VPS13B: variants seen among roughly 807,000 people sequenced by gnomAD.
The protein encoded by VPS13B is vacuolar protein sorting 13 homolog B, also known as intermembrane lipid transfer protein VPS13B.
A neutral mutation model predicts 426.4 loss-of-function variants in VPS13B; 285 were observed. The observed-to-expected ratio is 0.67, with a 90% confidence interval of 0.61 to 0.74. The LOEUF (loss-of-function observed/expected upper bound fraction) is 0.74, where lower values mean the gene tolerates loss of function less well. Among genes scored for constraint, VPS13B ranks in the 30% least tolerant of loss-of-function variants. The pLI is 0.00. For synonymous variants in VPS13B, 1,676 were observed against 1,676.4 expected (o/e 1.00, Z 0.01); for missense variants, 4,537 against 4,782.6 (o/e 0.95, Z 1.51).
rs571525217 is a variant in VPS13B, at chr8:99,103,258, C to T, written c.580+138C>T. Reference sequence around the variant, plus strand: ...GCCTCCAGTGTGGGAAAAAAATGCACATATACAAAATGTTGCATATAATTA... The same window carrying T: ...GCCTCCAGTGTGGGAAAAAAATGCATATATACAAAATGTTGCATATAATTA... On this transcript the variant is annotated intron_variant, in intron 5 of 61. Coordinates refer to ENST00000357162, the MANE Select transcript of VPS13B (RefSeq NM_152564.5). 1.9e-5 allele frequency: 18 copies of T among 947,350 alleles called. No homozygotes were observed. In the South Asian group the frequency reaches 2.5e-4, roughly 13 times the overall value. The allele number at this position is 947,350 out of a possible 1,614,324, so 58.7% of individuals were successfully genotyped here. A position where few individuals can be genotyped will look rare whatever the true frequency, so the allele number is the denominator to read the frequency against.
rs1282225081 is a variant in VPS13B, at chr8:99,121,244, A to G, written c.1005A>G (p.Ser335=). 1 of 1,614,134 alleles carries G rather than the reference A, an allele frequency of 6.2e-7. No individual in the cohort carries two copies. Among genetic ancestry groups the G allele is most frequent in the Admixed American group, 1.7e-5 (1 of 60,012 alleles). The change falls in exon 8 of 62, where the codon TCA becomes TCG. Residue 335 remains serine (S), a synonymous_variant. Coordinates refer to ENST00000357162, the MANE Select transcript of VPS13B (RefSeq NM_152564.5). The part of the protein sequence containing the change: ...PAQHKGQELY[S]QQDEEQPQGW... ...AGCATAAAGGTCAAGAGTTATATTC[A>G]CAGCAAGATGAGGAGCAGCCACAGG... is the stretch of plus-strand genomic sequence containing the variant.
In VPS13B at chr8:99,819,471, T is replaced by C; in HGVS notation, c.8681T>C (p.Ile2894Thr). The C allele has an allele frequency of 6.2e-7, 1 of 1,613,852 alleles. No individual in the cohort carries two copies. Among genetic ancestry groups the C allele is most frequent in the Non-Finnish European group, 8.5e-7 (1 of 1,179,850 alleles). Residue 2894 changes from isoleucine (I) to threonine (T), a missense_variant, in exon 48 of 62, where the codon ATA becomes ACA. Physicochemically the swap from Ile to Thr is moderately conservative, Grantham distance 89 (BLOSUM62 -1). Coordinates refer to ENST00000357162, the MANE Select transcript of VPS13B (RefSeq NM_152564.5). ...VPISTSLIKQIATKVHPGGTV... is the reference protein window; with the variant it reads ...VPISTSLIKQTATKVHPGGTV... ...ATCTCAACATCCCTCATTAAGCAAA[T>C]AGCCACTAAGGTACACCCTGGAGGC...
chr8:99,462,945 G>A (rs1353331641), intron 23 of VPS13B, among the ~76,000 whole-genome samples: 1 of 152,214 alleles, frequency 6.6e-6, no homozygotes, highest in Non-Finnish European at 1.5e-5. Context: ...AGAGCTCTTA[G>A]AGATGGATGT....
Position 99,631,774 on chromosome 8 carries a change from A to G in VPS13B, c.5221-10037A>G, listed in dbSNP as rs190984799. ...ATTGGCTGGCTTCCCCCTAGAACGT[A>G]AACTTCATGAAGGTAAAAGCTTGGT... On this transcript the variant is annotated intron_variant, in intron 33 of 61. Transcript: ENST00000357162. Among the ~76,000 whole-genome samples, 22 of 151,958 alleles carry G rather than the reference A, an allele frequency of 1.4e-4. No homozygotes were observed. In the East Asian group the frequency reaches 3.9e-3, roughly 27 times the overall value.
At chr8:99,327,620 T>C (rs1810344348) in intron 19 of VPS13B, among the ~76,000 whole-genome samples, 1 of 152,144 alleles carries the variant, frequency 6.6e-6, no homozygotes. Flanking sequence ...TCGGATACTG[T>C]ATAAGTGGAT....
intron 25 of VPS13B, among the ~76,000 whole-genome samples, chr8:99,485,631 A>G (rs1339862299): frequency 1.3e-5 from 2 of 152,216 alleles, no homozygotes; most frequent in African/African-American, 4.8e-5. Context: ...TCCACAACAC[A>G]TATATTCTAT....
chr8:99,723,596 G>C (rs565149183), intron 39 of VPS13B, among the ~76,000 whole-genome samples: 11 of 152,060 alleles, frequency 7.2e-5, no homozygotes, highest in Non-Finnish European at 1.3e-4. Context: ...AGAAGCACAG[G>C]CTAGACCAAG....
intron 25 of VPS13B, among the ~76,000 whole-genome samples, chr8:99,489,755 T>C (rs188730115): frequency 6.6e-6 from 1 of 152,338 alleles, no homozygotes; most frequent in Non-Finnish European, 1.5e-5. Flanking sequence ...ATTGATTTTG[T>C]ATCCTGAGAC....
intron 8 of VPS13B, among the ~76,000 whole-genome samples, chr8:99,126,450 G>T (rs972528607): frequency 6.6e-6 from 1 of 152,110 alleles, no homozygotes; most frequent in Non-Finnish European, 1.5e-5. Context: ...GTCATATTCT[G>T]CTGCTTTAGT....
At position 99,193,028 on chromosome 8, in the gene VPS13B, C is replaced by G; in HGVS notation, c.2486C>G (p.Ala829Gly). Reference protein sequence around the residue: ...GNVSSSAVIEALINEIFLSIG... With the variant: ...GNVSSSAVIEGLINEIFLSIG... ...GTCAGCTCTTCCGCAGTGATTGAAG[C>G]TTTGATAAATGAAATCTTCCTAAGT... The change falls in exon 17 of 62, where the codon GCT becomes GGT. Residue 829 changes from alanine (A) to glycine (G), a missense_variant. Physicochemically the swap from Ala to Gly is moderately conservative, Grantham distance 60 (BLOSUM62 0). Transcript: ENST00000357162. 6.2e-7 allele frequency: 1 copy of G among 1,613,604 alleles called. No homozygotes were observed. Among genetic ancestry groups the G allele is most frequent in the Non-Finnish European group, 8.5e-7 (1 of 1,179,808 alleles).
At chr8:99,015,909 G>A (rs917032795) in intron 2 of VPS13B, among the ~76,000 whole-genome samples, 2 of 152,174 alleles carry the variant, frequency 1.3e-5, no homozygotes, top group Non-Finnish European at 2.9e-5. Context: ...TCTGGGGCAG[G>A]GGAACGTACT....
chr8:99,665,489 T>C (rs1353652346), intron 35 of VPS13B, among the ~76,000 whole-genome samples: 1 of 152,206 alleles, frequency 6.6e-6, no homozygotes, highest in African/African-American at 2.4e-5. Flanking sequence ...TTGAATTAAT[T>C]TTTGTATAAG....
intron 7 of VPS13B, among the ~76,000 whole-genome samples, chr8:99,116,184 C>T (rs993999057): frequency 7.1e-5 from 10 of 141,530 alleles, no homozygotes; most frequent in Non-Finnish European, 1.4e-4. Flanking sequence ...TGCATCACCA[C>T]GCCTGTGTAA....
chr8:99,054,666 T>C (rs1261132677), intron 3 of VPS13B, among the ~76,000 whole-genome samples: 2 of 152,214 alleles, frequency 1.3e-5, no homozygotes, highest in African/African-American at 4.8e-5. Flanking sequence ...CCCCCTATGT[T>C]TTCTTCTAAG....
Position 99,111,220 on chromosome 8 carries a change from A to G in VPS13B, c.703A>G (p.Arg235Gly), listed in dbSNP as rs758781058. The G allele has an allele frequency of 6.2e-7, 1 of 1,602,916 alleles. No homozygotes were observed. Among genetic ancestry groups the G allele is most frequent in the African/African-American group, 1.3e-5 (1 of 74,642 alleles). The change falls in exon 6 of 62, where the codon AGA becomes GGA. Residue 235 changes from arginine to glycine, a missense_variant. By Grantham distance (125) the Arg-to-Gly change is moderately radical. Coordinates refer to ENST00000357162, the MANE Select transcript of VPS13B (RefSeq NM_152564.5). ...QDPLLYKCSFRTRLHFTYENL... is the reference protein window; with the variant it reads ...QDPLLYKCSFGTRLHFTYENL... ...TCCTTTATTATACAAATGTTCCTTC[A>G]GAACTCGTCTTCATTTTACATATGA...
rs1180989043 is a variant in VPS13B, at chr8:99,696,840, C to T, written c.6047-2685C>T. 5.8e-5 allele frequency: 62 copies of T among 1,067,130 alleles called. No individual in the cohort carries two copies. In the East Asian group the frequency reaches 1.0e-3, roughly 18 times the overall value. 66.1% of individuals were successfully genotyped at this position (1,067,130 alleles called of 1,614,324 possible). A position where few individuals can be genotyped will look rare whatever the true frequency, so the allele number is the denominator to read the frequency against. ...CTGTCACGGCCGCAGCTGGTGGCGC[C>T]GTGCAAGCTGCTGGAGCTGCAGTCC... is the stretch of plus-strand genomic sequence containing the variant. On this transcript the variant is annotated intron_variant, in intron 35 of 61. Transcript: ENST00000357162.
chr8:99,324,486 AT>A (rs1810138168), intron 19 of VPS13B, among the ~76,000 whole-genome samples: 2 of 152,098 alleles, frequency 1.3e-5, no homozygotes, highest in African/African-American at 4.8e-5. Context: ...GAGCTGAAAG[AT>A]TTCTTAGAGT....
At chr8:99,027,900 T>C (rs199749735) in intron 2 of VPS13B, among the ~76,000 whole-genome samples, 1 of 152,128 alleles carries the variant, frequency 6.6e-6, no homozygotes, top group Non-Finnish European at 1.5e-5. Context: ...CCTTCCGCAG[T>C]GTTTGTGTCC....
At chr8:99,480,148 A>G (rs1819960392) in intron 24 of VPS13B, among the ~76,000 whole-genome samples, 1 of 152,180 alleles carries the variant, frequency 6.6e-6, no homozygotes, top group Non-Finnish European at 1.5e-5. Flanking sequence ...TTGAAGGATA[A>G]AAGTTGAACA....
Sources: gnomAD v4.1 joint callset for allele counts (sites outside exome capture counted in the v4.1 genomes callset) on GRCh38, gnomAD v4.1.1 for gene constraint, MANE v1.5 for transcripts, NCBI Gene and HGNC (gene_info 2026-07-23, HGNC 2026-07-21) for gene names.